Variants in HERC4 observed in about 807,000 individuals in gnomAD.
The protein encoded by HERC4 is HECT and RLD domain containing E3 ubiquitin protein ligase 4, also known as probable E3 ubiquitin-protein ligase HERC4.
A neutral mutation model predicts 124.3 loss-of-function variants in HERC4; 28 were observed. The ratio of observed to expected loss-of-function variants is 0.23; its 90% CI spans 0.17 to 0.31. HERC4 has a LOEUF of 0.31. HERC4 is among the 10% of genes least tolerant of loss of function. The pLI is 1.00. For missense variants in HERC4, 713 were observed against 1,229.3 expected (o/e 0.58, Z 6.28); for synonymous variants, 407 against 421.5 (o/e 0.97, Z 0.42).
At chr10:67,976,761 A>G (rs1254582422) in intron 15 of HERC4, among the ~76,000 whole-genome samples, 1 of 152,188 alleles carries the variant, frequency 6.6e-6, no homozygotes, top group Non-Finnish European at 1.5e-5. Context: ...GAATGCAGCA[A>G]TTGTTAGGCA....
chr10:68,068,924 T>C (rs1439467562), intron 3 of HERC4: 1 of 396,770 alleles, frequency 2.5e-6, no homozygotes, highest in Non-Finnish European at 3.4e-6. Flanking sequence ...TACATACAAC[T>C]GTTGTGAGAA....
intron 19 of HERC4, among the ~76,000 whole-genome samples, chr10:67,952,817 A>G (rs1437223849): frequency 6.6e-6 from 1 of 151,344 alleles, no homozygotes; most frequent in African/African-American, 2.4e-5. Flanking sequence ...GGAGAATGGC[A>G]TGAACCTGGG....
intron 23 of HERC4, among the ~76,000 whole-genome samples, chr10:67,925,518 T>C (rs12766485): frequency 0.11 from 16,846 of 152,210 alleles, 963 homozygotes; most frequent in South Asian, 0.15. Flanking sequence ...AAATTCCCTT[T>C]CTCTGTATTC....
intron 3 of HERC4, among the ~76,000 whole-genome samples, chr10:68,059,494 C>CATAATAAT (rs2040743310): frequency 2.9e-5 from 2 of 69,174 alleles, no homozygotes; most frequent in Non-Finnish European, 4.9e-5. Context: ...TATATTATAA[C>CATAATAAT]ATTATATATT....
At chr10:68,040,515 A>G (rs2039707454) in intron 4 of HERC4, 1 of 652,940 alleles carries the variant, frequency 1.5e-6, no homozygotes, top group Non-Finnish European at 1.9e-6. Flanking sequence ...GAACTCATCA[A>G]AAGTAATCCC....
chr10:67,974,657 G>T (rs1283658207), intron 15 of HERC4, among the ~76,000 whole-genome samples: 2 of 152,210 alleles, frequency 1.3e-5, no homozygotes, highest in Admixed American at 6.5e-5. Context: ...CATTTTCAGT[G>T]AGATGTATTA....
chr10:68,037,535 C>T (rs631322), intron 5 of HERC4, among the ~76,000 whole-genome samples: 4,970 of 152,138 alleles, frequency 0.033, 269 homozygotes, highest in African/African-American at 0.11. Context: ...GATGTTTAGC[C>T]TTCTTTATTT....
intron 3 of HERC4, among the ~76,000 whole-genome samples, chr10:68,059,904 A>AT (rs1245685280): frequency 5.3e-5 from 4 of 76,006 alleles, no homozygotes; most frequent in Non-Finnish European, 8.1e-5. Context: ...ATTATATATT[A>AT]TATAATATTA....
chr10:67,954,877 A>G lies in HERC4; in HGVS notation c.2193+86T>C, dbSNP rs919617262. On this transcript the variant is annotated intron_variant, in intron 18 of 24. Transcript: ENST00000373700. The stretch of plus-strand genomic sequence containing the variant: ...AATATAATTTTATTTATTAAGTTTA[A>G]AAGATTCACTAAAAACAAATAGGAA... The G allele has an allele frequency of 1.9e-5, 25 of 1,328,114 alleles. No homozygotes were observed. In the Admixed American group the frequency reaches 4.4e-4, roughly 23 times the overall value. 82.3% of individuals were successfully genotyped at this position (1,328,114 alleles called of 1,614,324 possible).
intron 15 of HERC4, among the ~76,000 whole-genome samples, chr10:67,977,578 G>A (rs2035671540): frequency 1.3e-5 from 2 of 152,050 alleles, no homozygotes; most frequent in Admixed American, 6.5e-5. Context: ...CAGCTCCAAC[G>A]TAGGAGGGTG....
rs1564608773 is a variant in HERC4, at chr10:68,059,699, AATATTATATATCATAATATTAT to A, written c.226+13162_226+13183del. On this transcript the variant is annotated intron_variant, in intron 3 of 24. Coordinates refer to ENST00000373700, the MANE Select transcript of HERC4 (RefSeq NM_015601.4). The stretch of plus-strand genomic sequence containing the variant: ...TATATATCATAATATTATATATTAT[AATATTATATATCATAATATTAT>A]ATATTATATATCATAATATTATATA... 1.7e-3 allele frequency among the ~76,000 whole-genome samples: 109 copies of A among 62,728 alleles called. 28 individuals carry two copies. Among genetic ancestry groups the A allele is most frequent in the African/African-American group, 0.014 (96 of 7,018 alleles). 41.2% of individuals were successfully genotyped at this position (62,728 alleles called of 152,430 possible).
At chr10:67,944,826 G>A (rs1225601976) in intron 19 of HERC4, among the ~76,000 whole-genome samples, 1 of 152,222 alleles carries the variant, frequency 6.6e-6, no homozygotes, top group East Asian at 1.9e-4. Context: ...ATGCATCAGT[G>A]TCTGTCAACA....
intron 23 of HERC4, among the ~76,000 whole-genome samples, chr10:67,927,213 G>A (rs971750550): frequency 2.6e-5 from 4 of 151,794 alleles, no homozygotes; most frequent in African/African-American, 9.7e-5. Flanking sequence ...AATGAAAAGA[G>A]GATGGCTAAA....
At chr10:67,955,169 CA>C (rs1167134905) in intron 17 of HERC4, 39 bp from the exon 18 acceptor site, 11 of 1,544,416 alleles carry the variant, frequency 7.1e-6, no homozygotes, top group Non-Finnish European at 9.6e-6. Flanking sequence ...AGCAATGCTA[CA>C]ATAAAGCTAC....
chr10:68,024,058 T>G (rs554189565), intron 8 of HERC4, among the ~76,000 whole-genome samples: 2 of 152,212 alleles, frequency 1.3e-5, no homozygotes, highest in East Asian at 3.9e-4. Context: ...GTAAAACATA[T>G]GCCCAATAAA....
rs1167883880 is a variant in HERC4, at chr10:67,990,915, T to A, written c.1432A>T (p.Ile478Leu). Residue 478 changes from isoleucine (I) to leucine (L), a missense_variant, in exon 13 of 25, where the codon ATA becomes TTA. Physicochemically the swap from Ile to Leu is conservative, Grantham distance 5. Transcript: ENST00000373700. ...CTTTAAAAACAGACCTGCTGAGATA[T>A]CTGCGGATGATCAGGTTGTATAAGT... ...HKLIQPDHPQ[I>L]SQQVAASLEK... 2.5e-6 allele frequency: 4 copies of A among 1,592,094 alleles called. No homozygotes were observed. In the South Asian group the frequency reaches 4.6e-5, roughly 18 times the overall value.
chr10:67,989,458 A>G (rs2036437627), intron 14 of HERC4, among the ~76,000 whole-genome samples: 1 of 152,066 alleles, frequency 6.6e-6, no homozygotes, highest in African/African-American at 2.4e-5. Flanking sequence ...TACTCTTTTC[A>G]GTCCCTGCTT....
At chr10:67,927,394 A>T (rs1327319317) in intron 23 of HERC4, among the ~76,000 whole-genome samples, 2 of 10,298 alleles carry the variant, frequency 1.9e-4, no homozygotes, top group Admixed American at 1.0e-3. Context: ...ATATATATAT[A>T]TATATATATA....
chr10:68,069,244 G>C, intron 3 of HERC4: 1 of 948,374 alleles, frequency 1.1e-6, no homozygotes, highest in Non-Finnish European at 1.3e-6. Flanking sequence ...AAATGGATTG[G>C]TCTAGCGCAC....
Sources: allele counts gnomAD v4.1 joint callset (sites outside exome capture counted in the v4.1 genomes callset), GRCh38; gene constraint gnomAD v4.1.1; transcripts MANE v1.5; gene names NCBI Gene and HGNC (gene_info 2026-07-23, HGNC 2026-07-21).